KTN1: variants seen among roughly 807,000 people sequenced by gnomAD.
KTN1 encodes the protein kinectin 1, also known as kinectin.
In KTN1, 130 loss-of-function variants were observed where a neutral mutation model predicts 222.5. The observed-to-expected ratio is 0.58, with a 90% CI of 0.51 to 0.68. The LOEUF is 0.68. Among genes scored for constraint, KTN1 ranks in the 30% least tolerant of loss-of-function variants. KTN1 has a pLI of 0.00. For missense variants in KTN1, 1,508 were observed against 1,500.4 expected (o/e 1.01, Z -0.08); for synonymous variants, 512 against 496.3 (o/e 1.03, Z -0.42).
chr14:55,640,383 A>T lies in KTN1; in HGVS notation c.1924A>T (p.Asn642Tyr). 1 of 1,596,260 alleles carries T rather than the reference A, an allele frequency of 6.3e-7. No individual in the cohort carries two copies. Among genetic ancestry groups the T allele is most frequent in the African/African-American group, 1.3e-5 (1 of 74,506 alleles). Residue 642 changes from asparagine to tyrosine, a missense_variant, in exon 15 of 44, where the codon AAT (asparagine) becomes TAT (tyrosine). Transcript: ENST00000395314. The stretch of plus-strand genomic sequence containing the variant: ...TTTTTCCTTGTTCTAGGATATACAG[A>T]ATATGAATTTCTTATTAAAAGCTGA... ...SKEEELKDIQ[N>Y]MNFLLKAEVQ...
Position 55,639,967 on chromosome 14 carries a change from A to G in KTN1, c.1878A>G (p.Glu626=). The G allele has an allele frequency of 6.2e-7, 1 of 1,608,544 alleles. No homozygotes were observed. The highest frequency in any genetic ancestry group is 8.5e-7 in the Non-Finnish European group (1 of 1,175,584). Reference sequence around the variant, plus strand: ...AGACTGAAGATTCTTTAGCAAGTGAACGTGATCGTTTAACAAGTAAAGAAG... The same window carrying G: ...AGACTGAAGATTCTTTAGCAAGTGAGCGTGATCGTTTAACAAGTAAAGAAG... The part of the protein sequence containing the change: ...IKQTEDSLAS[E]RDRLTSKEEE... The change falls in exon 14 of 44, where the codon GAA becomes GAG. Residue 626 remains glutamate (E), a synonymous_variant. Transcript: ENST00000395314.
intron 41 of KTN1, 39 bp downstream of exon 41, chr14:55,675,957 CT>C (rs1566856034): frequency 1.4e-6 from 2 of 1,401,244 alleles, no homozygotes. Flanking sequence ...TATCATGAGC[CT>C]GTGTTGTGTG....
chr14:55,646,397 CT>C (rs754516990), intron 18 of KTN1, among the ~76,000 whole-genome samples: 91 of 151,002 alleles, frequency 6.0e-4, no homozygotes, highest in Non-Finnish European at 9.6e-4. Context: ...GTCTGTCTTT[CT>C]TTCTTTCTTC....
chr14:55,619,585 G>C (rs1243550422), intron 5 of KTN1, among the ~76,000 whole-genome samples: 1 of 152,142 alleles, frequency 6.6e-6, no homozygotes, highest in Non-Finnish European at 1.5e-5. Flanking sequence ...CATAGTGGAA[G>C]GTGAAAGGCA....
chr14:55,662,866 CATCTT>C, intron 32 of KTN1: 1 of 456,056 alleles, frequency 2.2e-6, no homozygotes, highest in Admixed American at 2.3e-5. Context: ...ATACTGCTAA[CATCTT>C]AACTGTGTTT....
At chr14:55,647,745 C>T (rs1051816084) in intron 19 of KTN1, among the ~76,000 whole-genome samples, 2 of 150,136 alleles carry the variant, frequency 1.3e-5, no homozygotes, top group Non-Finnish European at 1.5e-5. Context: ...GAGATCGAGA[C>T]CATCCTGGCT....
intron 1 of KTN1, among the ~76,000 whole-genome samples, chr14:55,595,140 AGTGTACTGTAT>A (rs1433609967): frequency 6.6e-6 from 1 of 152,236 alleles, no homozygotes; most frequent in Non-Finnish European, 1.5e-5. Context: ...AGGTTCATCC[AGTGTACTGTAT>A]GTACAGTATA....
At chr14:55,650,168 CT>C (rs1431789633) in intron 22 of KTN1, among the ~76,000 whole-genome samples, 159 bp from the exon 23 acceptor site, 1 of 151,940 alleles carries the variant, frequency 6.6e-6, no homozygotes. Flanking sequence ...TTAGGAGGAG[CT>C]TTATGTTCAC....
intron 1 of KTN1, among the ~76,000 whole-genome samples, chr14:55,587,880 T>G (rs1341975206): frequency 6.6e-6 from 1 of 152,220 alleles, no homozygotes; most frequent in African/African-American, 2.4e-5. Flanking sequence ...TTAAATTGAA[T>G]CCTTTTGTAA....
chr14:55,602,824 T>C (rs1476179273), intron 1 of KTN1, among the ~76,000 whole-genome samples: 4 of 152,114 alleles, frequency 2.6e-5, no homozygotes, highest in African/African-American at 9.7e-5. Context: ...AAGCAGTCCT[T>C]TCTCCTTGGC....
At chr14:55,653,482 A>AT (rs1163842558) in intron 27 of KTN1, 77 bp from the exon 28 acceptor site, 98 of 1,076,030 alleles carry the variant, frequency 9.1e-5, no homozygotes, top group Non-Finnish European at 9.7e-5. Flanking sequence ...TTGGTGGGTG[A>AT]TTCCATATAT....
intron 33 of KTN1, among the ~76,000 whole-genome samples, chr14:55,666,300 G>C (rs2044731655): frequency 6.6e-6 from 1 of 151,848 alleles, no homozygotes; most frequent in Non-Finnish European, 1.5e-5. Context: ...TAAATGTTGG[G>C]GGAAAGATAT....
chr14:55,646,460 T>C (rs12894411), intron 18 of KTN1, among the ~76,000 whole-genome samples: 4,074 of 48,824 alleles, frequency 0.083, 301 homozygotes, highest in Middle Eastern at 0.2. Context: ...TTCCTTTTCC[T>C]TTTCCTTTCC....
At chr14:55,649,846 C>A in intron 22 of KTN1, 33 bp downstream of exon 22, 1 of 1,272,910 alleles carries the variant, frequency 7.9e-7, no homozygotes, top group Non-Finnish European at 1.1e-6. Context: ...ACTGGTTTTT[C>A]TTCTTTGGTC....
chr14:55,656,346 A>G, intron 29 of KTN1: 1 of 424,724 alleles, frequency 2.4e-6, no homozygotes, highest in Non-Finnish European at 4.2e-6. Context: ...CTGTTGAACT[A>G]TACTAACTTG....
chr14:55,602,517 G>T (rs1254389257), intron 1 of KTN1, among the ~76,000 whole-genome samples: 2 of 151,932 alleles, frequency 1.3e-5, no homozygotes, highest in Non-Finnish European at 2.9e-5. Context: ...ATTAAAGTGA[G>T]TGCAACTTAC....
intron 9 of KTN1, among the ~76,000 whole-genome samples, chr14:55,635,082 G>T (rs1006411200): frequency 1.3e-5 from 2 of 152,064 alleles, no homozygotes; most frequent in Admixed American, 6.6e-5. Flanking sequence ...ATATCAGTAG[G>T]TATTTAATTT....
At chr14:55,632,540 A>G (rs561723997) in intron 7 of KTN1, among the ~76,000 whole-genome samples, 29 of 152,202 alleles carry the variant, frequency 1.9e-4, no homozygotes, top group African/African-American at 6.3e-4. Flanking sequence ...CAGGGAGAGG[A>G]ATGGGAGTTA....
intron 9 of KTN1, among the ~76,000 whole-genome samples, chr14:55,635,553 G>C (rs1311082366): frequency 1.3e-5 from 2 of 152,158 alleles, no homozygotes; most frequent in Non-Finnish European, 2.9e-5. Context: ...GTGTCACTTG[G>C]TCCAGTGAGA....
Sources: gnomAD v4.1 joint callset for allele counts (sites outside exome capture counted in the v4.1 genomes callset) on GRCh38, gnomAD v4.1.1 for gene constraint, MANE v1.5 for transcripts, NCBI Gene and HGNC (gene_info 2026-07-23, HGNC 2026-07-21) for gene names.